The following NEDD4L variants were observed in gnomAD, a reference collection of about 807,000 sequenced individuals.
NEDD4L encodes the protein E3 ubiquitin-protein ligase NEDD4-like.
NEDD4L carries 54 observed loss-of-function variants against 148.9 expected under a neutral mutation model. That is an observed-to-expected ratio of 0.36 (90% CI 0.29 to 0.45). NEDD4L has a LOEUF of 0.45. NEDD4L is among the 20% of genes least tolerant of loss of function. The pLI is 1.00. For missense variants in NEDD4L, 856 were observed against 1,233.8 expected (o/e 0.69, Z 4.59); for synonymous variants, 433 against 440.7 (o/e 0.98, Z 0.22).
intron 5 of NEDD4L, among the ~76,000 whole-genome samples, chr18:58,282,876 T>G (rs1350289019): frequency 6.6e-6 from 1 of 152,104 alleles, no homozygotes; most frequent in Non-Finnish European, 1.5e-5. Flanking sequence ...AAACCACATC[T>G]CAGTGAATTA....
chr18:58,342,560 A>T (rs932428768), intron 15 of NEDD4L, among the ~76,000 whole-genome samples: 1 of 152,192 alleles, frequency 6.6e-6, no homozygotes, highest in African/African-American at 2.4e-5. Context: ...AAAACTTGCC[A>T]ATCTGTTCTT....
intron 1 of NEDD4L, among the ~76,000 whole-genome samples, chr18:58,156,169 C>T (rs2035467513): frequency 6.6e-6 from 1 of 152,156 alleles, no homozygotes; most frequent in Admixed American, 6.5e-5. Context: ...TAAAACTAGT[C>T]CAGCGACCAG....
chr18:58,117,756 C>G (rs2085946531), intron 1 of NEDD4L, among the ~76,000 whole-genome samples: 1 of 152,274 alleles, frequency 6.6e-6, no homozygotes, highest in African/African-American at 2.4e-5. Context: ...CACTTGTGTT[C>G]TGGAATCGCT....
intron 1 of NEDD4L, among the ~76,000 whole-genome samples, chr18:58,069,768 TTAA>T (rs1166269500): frequency 6.6e-6 from 1 of 152,230 alleles, no homozygotes; most frequent in Non-Finnish European, 1.5e-5. Context: ...GCAAAACCTA[TTAA>T]TTTCAAGTTT....
At chr18:58,141,697 TAAG>T (rs2033527657) in intron 1 of NEDD4L, among the ~76,000 whole-genome samples, 1 of 152,234 alleles carries the variant, frequency 6.6e-6, no homozygotes, top group Non-Finnish European at 1.5e-5. Context: ...TGACTAGTGT[TAAG>T]AATGCATGTA....
intron 1 of NEDD4L, among the ~76,000 whole-genome samples, chr18:58,104,614 T>C (rs930030501): frequency 6.6e-6 from 1 of 152,250 alleles, no homozygotes; most frequent in African/African-American, 2.4e-5. Context: ...GTTTTTTGTT[T>C]CCAGGGTTTT....
chr18:58,044,506 C>A lies in NEDD4L; in HGVS notation c.-155C>A. 9.3e-7 allele frequency: 1 copy of A among 1,078,460 alleles called. No individual in the cohort carries two copies. The highest frequency in any genetic ancestry group is 1.2e-6 in the Non-Finnish European group (1 of 838,344). 66.8% of individuals were successfully genotyped at this position (1,078,460 alleles called of 1,614,324 possible). On this transcript the variant is annotated 5_prime_UTR_variant, in exon 1 of 31. Transcript: ENST00000400345. ...AGCGTCCAGGGCGCGCTCTCGGGCA[C>A]CCTCACCTGCCGGCGCCCGGCCGCT...
chr18:58,325,300 C>T (rs2059216142), intron 9 of NEDD4L, 138 bp downstream of exon 9: 2 of 1,012,714 alleles, frequency 2.0e-6, no homozygotes, highest in Admixed American at 4.7e-5. Flanking sequence ...CGAGATTCCT[C>T]TCCATTTACG....
In NEDD4L at chr18:58,399,145, C is replaced by T. The variant is rs992602041; in HGVS notation, c.*2876C>T. 1.3e-5 allele frequency: 2 copies of T among 152,180 alleles called. No individual in the cohort carries two copies. Among genetic ancestry groups the T allele is most frequent in the Admixed American group, 6.5e-5 (1 of 15,276 alleles). The allele number at this position is 152,180 out of a possible 1,614,324, so 9.4% of individuals were successfully genotyped here. ...GGTCCCGGGTATTTCCATTCCTGCC[C>T]CTTGTTGGCCCGAGGAAGGATGTGG... On this transcript the variant is annotated 3_prime_UTR_variant, in exon 31 of 31. Transcript: ENST00000400345.
At chr18:58,177,424 A>G (rs59353862) in intron 2 of NEDD4L, among the ~76,000 whole-genome samples, 7,330 of 152,294 alleles carry the variant, frequency 0.048, 304 homozygotes, top group East Asian at 0.22. Context: ...CTTCAGGAAC[A>G]CAGCCAGAAG....
chr18:58,216,117 T>G (rs534899680), intron 2 of NEDD4L, among the ~76,000 whole-genome samples: 3 of 152,188 alleles, frequency 2.0e-5, no homozygotes, highest in Non-Finnish European at 2.9e-5. Flanking sequence ...GGTACTAGTT[T>G]ATGTTGCAAT....
chr18:58,309,760 A>T (rs1338809588), intron 5 of NEDD4L, among the ~76,000 whole-genome samples: 1 of 151,670 alleles, frequency 6.6e-6, no homozygotes, highest in Non-Finnish European at 1.5e-5. Flanking sequence ...ATATGCTTAT[A>T]TTTGGTGTGG....
rs766881136 is a variant in NEDD4L, at chr18:58,389,096, C to T, written c.2559C>T (p.Cys853=). 4.3e-6 allele frequency: 7 copies of T among 1,613,516 alleles called. No homozygotes were observed. Among genetic ancestry groups the T allele is most frequent in the African/African-American group, 1.3e-5 (1 of 74,920 alleles). ...FDENELELLM[C]GLGDVDVNDW... is the part of the protein sequence containing the mutation. ...AATTTTCTTCCTAGTTGCTCATGTG[C>T]GGCCTCGGTGATGTGGATGTGAATG... Residue 853 remains cysteine, a synonymous_variant, in exon 28 of 31, where the codon TGC becomes TGT. Coordinates refer to ENST00000400345, the MANE Select transcript of NEDD4L (RefSeq NM_001144967.3).
At chr18:58,106,742 C>A (rs1386443431) in intron 1 of NEDD4L, among the ~76,000 whole-genome samples, 2 of 152,118 alleles carry the variant, frequency 1.3e-5, no homozygotes, top group Non-Finnish European at 2.9e-5. Context: ...CACATTTAAT[C>A]CTCAAAGCAA....
chr18:58,155,236 A>AC (rs1469957929), intron 1 of NEDD4L, among the ~76,000 whole-genome samples: 5 of 148,702 alleles, frequency 3.4e-5, no homozygotes, highest in African/African-American at 1.2e-4. Context: ...AGCAGTACCC[A>AC]CCCACATAGT....
chr18:58,319,661 C>A (rs2058602088), intron 6 of NEDD4L, among the ~76,000 whole-genome samples: 3 of 152,172 alleles, frequency 2.0e-5, no homozygotes, highest in African/African-American at 7.2e-5. Context: ...GGAACAGGAT[C>A]AGATTGGAAC....
intron 5 of NEDD4L, among the ~76,000 whole-genome samples, chr18:58,261,014 A>G (rs1278619230): frequency 1.3e-5 from 2 of 152,228 alleles, no homozygotes; most frequent in Admixed American, 6.5e-5. Flanking sequence ...AGGTATCTGT[A>G]ATATACAAGT....
At chr18:58,138,184 A>G (rs982275929) in intron 1 of NEDD4L, among the ~76,000 whole-genome samples, 5 of 152,148 alleles carry the variant, frequency 3.3e-5, no homozygotes, top group African/African-American at 1.2e-4. Flanking sequence ...CTTCTAACCT[A>G]TTTTTATTTC....
chr18:58,195,407 A>G (rs566087235), intron 2 of NEDD4L: 1 of 1,279,128 alleles, frequency 7.8e-7, no homozygotes, highest in African/African-American at 1.5e-5. Context: ...TGTTCCCCAC[A>G]TTTGAATTTG....
Sources: allele counts gnomAD v4.1 joint callset (sites outside exome capture counted in the v4.1 genomes callset), GRCh38; gene constraint gnomAD v4.1.1; transcripts MANE v1.5; gene names NCBI Gene and HGNC (gene_info 2026-07-23, HGNC 2026-07-21).